The following SPATA13 variants were observed in gnomAD, a reference collection of about 807,000 sequenced individuals.
SPATA13 encodes the protein spermatogenesis-associated protein 13.
A neutral mutation model predicts 104.0 loss-of-function variants in SPATA13; 50 were observed. The ratio of observed to expected loss-of-function variants is 0.48; its 90% CI spans 0.38 to 0.61. The LOEUF is 0.61. Among genes scored for constraint, SPATA13 ranks in the 20% least tolerant of loss-of-function variants. The pLI, the probability that SPATA13 is intolerant of heterozygous loss-of-function variation, is 0.00. For missense variants in SPATA13, 1,524 were observed against 1,690.6 expected (o/e 0.90, Z 1.73); for synonymous variants, 606 against 667.5 (o/e 0.91, Z 1.42).
chr13:24,281,739 C>G (rs952721444), intron 4 of SPATA13, among the ~76,000 whole-genome samples: 2 of 152,194 alleles, frequency 1.3e-5, no homozygotes, highest in Non-Finnish European at 2.9e-5. Context: ...GGTGCTGTGT[C>G]CAGAGCTCAG....
intron 1 of SPATA13, among the ~76,000 whole-genome samples, chr13:24,204,309 G>A (rs978542890): frequency 1.3e-5 from 2 of 152,166 alleles, no homozygotes; most frequent in African/African-American, 4.8e-5. Context: ...TTCAGAAAAC[G>A]ATAGGAAAAT....
chr13:24,237,666 A>C (rs893150887), intron 2 of SPATA13, among the ~76,000 whole-genome samples: 1 of 152,200 alleles, frequency 6.6e-6, no homozygotes, highest in South Asian at 2.1e-4. Flanking sequence ...CATACACCTA[A>C]AAATAATTAA....
chr13:24,103,504 A>AAAAG lies in SPATA13; in HGVS notation c.-112+85804_-112+85805insAAGA, dbSNP rs1458068316. On this transcript the variant is annotated intron_variant, in intron 3 of 14. Transcript: ENST00000424834. ...TGTCTCAAAAAAAAAAAAAAAAAAC[A>AAAAG]AGAAAGAAAAGAGCAGGGGAGGAGA... 1.8e-4 allele frequency among the ~76,000 whole-genome samples: 21 copies of AAAAG among 115,606 alleles called. 2 individuals carry two copies. Among genetic ancestry groups the AAAAG allele is most frequent in the African/African-American group, 3.1e-4 (10 of 31,864 alleles). The allele number at this position is 115,606 out of a possible 152,430, so 75.8% of individuals were successfully genotyped here.
chr13:24,293,163 T>G (rs1279677791), intron 9 of SPATA13, among the ~76,000 whole-genome samples: 1 of 148,614 alleles, frequency 6.7e-6, no homozygotes, highest in Non-Finnish European at 1.5e-5. Context: ...TTCATTGAAA[T>G]AGATAAAAGA....
intron 10 of SPATA13, among the ~76,000 whole-genome samples, chr13:24,295,920 G>T (rs149498949): frequency 3.3e-5 from 5 of 152,254 alleles, no homozygotes; most frequent in African/African-American, 9.6e-5. Context: ...AGCAGAGCTG[G>T]ATTCAAACCC....
At chr13:24,197,893 T>C (rs28380348) in intron 1 of SPATA13, among the ~76,000 whole-genome samples, 1 of 152,208 alleles carries the variant, frequency 6.6e-6, no homozygotes, top group African/African-American at 2.4e-5. Flanking sequence ...ATTTTTCTCC[T>C]AGGATGAAGT....
chr13:24,196,163 A>G (rs1249664041), intron 1 of SPATA13, among the ~76,000 whole-genome samples: 2 of 152,100 alleles, frequency 1.3e-5, no homozygotes, highest in Non-Finnish European at 2.9e-5. Context: ...GAAGCTTCAT[A>G]TGTTACCCAA....
At chr13:24,102,058 AT>A (rs993952338) in intron 3 of SPATA13, among the ~76,000 whole-genome samples, 2 of 152,080 alleles carry the variant, frequency 1.3e-5, no homozygotes, top group African/African-American at 4.8e-5. Flanking sequence ...AAATTTCTAT[AT>A]TTTTTCCATA....
At chr13:24,097,831 C>T (rs559713917) in intron 3 of SPATA13, among the ~76,000 whole-genome samples, 20 of 152,270 alleles carry the variant, frequency 1.3e-4, no homozygotes, top group South Asian at 1.0e-3. Flanking sequence ...ACAATCCAAA[C>T]GCAGGCGAGG....
chr13:24,051,503 C>T lies in SPATA13; in HGVS notation c.-112+33802C>T, dbSNP rs115001047. ...CGATGGCACTTGGGACATACTCATGCACACCCAACCCTTAGGGGAGGAGAT... is the reference window on the plus strand; with the variant it reads ...CGATGGCACTTGGGACATACTCATGTACACCCAACCCTTAGGGGAGGAGAT... On this transcript the variant is annotated intron_variant, in intron 3 of 14. Coordinates refer to the SPATA13 transcript ENST00000424834. The surrounding 1 kb of genome is among the most constrained non-coding windows in gnomAD (Gnocchi z 4.2). Among the ~76,000 whole-genome samples the T allele has an allele frequency of 9.4e-3, 1,429 of 152,316 alleles. 27 individuals are homozygous for T. The highest frequency in any genetic ancestry group is 0.031 in the African/African-American group (1,290 of 41,558).
At position 24,277,462 on chromosome 13, in the gene SPATA13, AGAAG is replaced by A. The variant is rs796189473; in HGVS notation, c.2165-6672_2165-6669del. Among the ~76,000 whole-genome samples, 244 of 67,350 alleles carry A rather than the reference AGAAG, an allele frequency of 3.6e-3. 5 individuals carry two copies. Among genetic ancestry groups the A allele is most frequent in the Middle Eastern group, 7.5e-3 (1 of 134 alleles). 44.2% of individuals were successfully genotyped at this position (67,350 alleles called of 152,430 possible). Reference sequence around the variant, plus strand: ...CCGTCTCAAAAAAAAAAAAAAAAAAAGAAGAAGTTCACCTTGGAAGTAATATATA... The same window carrying A: ...CCGTCTCAAAAAAAAAAAAAAAAAAAAAGTTCACCTTGGAAGTAATATATA... On this transcript the variant is annotated intron_variant, in intron 4 of 12. Transcript: ENST00000382108.
At chr13:24,247,472 C>T (rs988214927) in intron 2 of SPATA13, among the ~76,000 whole-genome samples, 1 of 61,164 alleles carries the variant, frequency 1.6e-5, no homozygotes, top group Non-Finnish European at 4.0e-5. Context: ...CTTTGCTCCA[C>T]ATTCACTTTT....
At position 24,042,581 on chromosome 13, in the gene SPATA13, G is replaced by A. The variant is rs151106371; in HGVS notation, c.-112+24880G>A. Among the ~76,000 whole-genome samples the A allele has an allele frequency of 9.3e-3, 1,411 of 152,326 alleles. 60 individuals carry two copies. Among genetic ancestry groups the A allele is most frequent in the Admixed American group, 0.082 (1,247 of 15,294 alleles). On this transcript the variant is annotated intron_variant, in intron 3 of 14. Coordinates refer to the SPATA13 transcript ENST00000424834. ...CAAGCGCACATCTATGCCCGTGCGC[G>A]AACTCACTTCTCAGAGCACTGGCTC... is the stretch of plus-strand genomic sequence containing the variant.
At chr13:24,076,661 G>A (rs566041027) in intron 3 of SPATA13, among the ~76,000 whole-genome samples, 4 of 152,012 alleles carry the variant, frequency 2.6e-5, no homozygotes, top group African/African-American at 9.7e-5. Context: ...ATGCAGAAAC[G>A]AAGACAATGG....
At chr13:24,092,951 A>G (rs889198929) in intron 3 of SPATA13, among the ~76,000 whole-genome samples, 1 of 152,222 alleles carries the variant, frequency 6.6e-6, no homozygotes, top group Non-Finnish European at 1.5e-5. Context: ...AACGTTGCAG[A>G]TGACTATTTT....
At chr13:24,040,175 C>G (rs7318885) in intron 3 of SPATA13, among the ~76,000 whole-genome samples, 23,583 of 152,248 alleles carry the variant, frequency 0.15, 2,040 homozygotes, top group Admixed American at 0.27. Context: ...ATGGCGAGTG[C>G]CCTATGCCAG....
chr13:24,024,364 T>C (rs1477154372), intron 3 of SPATA13, among the ~76,000 whole-genome samples: 2 of 151,906 alleles, frequency 1.3e-5, no homozygotes, highest in South Asian at 4.2e-4. Flanking sequence ...GACGGATGGA[T>C]GGATGGATGG....
At position 24,302,650 on chromosome 13, in the gene SPATA13, C is replaced by T; in HGVS notation, c.3711C>T (p.His1237=). 1 of 1,613,996 alleles carries T rather than the reference C, an allele frequency of 6.2e-7. No individual in the cohort carries two copies. The highest frequency in any genetic ancestry group is 8.5e-7 in the Non-Finnish European group (1 of 1,179,962). ...APPHQGLHPI[H]QRHITMPTSV... ...CGCACCAGGGCCTGCACCCCATCCACCAGCGCCACATCACTATGCCCACAA... is the reference window on the plus strand; with the variant it reads ...CGCACCAGGGCCTGCACCCCATCCATCAGCGCCACATCACTATGCCCACAA... Residue 1237 remains histidine (H), a synonymous_variant, in exon 13 of 13, where the codon CAC becomes CAT. Coordinates refer to ENST00000382108, the MANE Select transcript of SPATA13 (RefSeq NM_001166271.3).
At chr13:24,005,959 C>G (rs915027713) in intron 2 of SPATA13, among the ~76,000 whole-genome samples, 4 of 152,200 alleles carry the variant, frequency 2.6e-5, no homozygotes, top group Non-Finnish European at 4.4e-5. Context: ...ATCACCTGTT[C>G]TGCTACACAA....
Sources: gnomAD v4.1 joint callset for allele counts (sites outside exome capture counted in the v4.1 genomes callset) on GRCh38, gnomAD v4.1.1 for gene constraint, Gnocchi (gnomAD v3.1) non-coding constraint, MANE v1.5 for transcripts, NCBI Gene and HGNC (gene_info 2026-07-23, HGNC 2026-07-21) for gene names.